OLA1: variants seen among roughly 807,000 people sequenced by gnomAD.
OLA1 encodes the protein Obg like ATPase 1, also known as obg-like ATPase 1.
Under a neutral mutation model 48.4 loss-of-function variants are expected in OLA1, and 14 were observed. The ratio of observed to expected loss-of-function variants is 0.29; its 90% CI spans 0.19 to 0.45. The LOEUF is 0.45. OLA1 is among the 20% of genes least tolerant of loss of function. The pLI, the probability that OLA1 is intolerant of heterozygous loss-of-function variation, is 1.00. For synonymous variants in OLA1, 127 were observed against 150.4 expected (o/e 0.84, Z 1.14); for missense variants, 325 against 467.1 (o/e 0.70, Z 2.80).
intron 4 of OLA1, among the ~76,000 whole-genome samples, chr2:174,153,669 C>T (rs891768194): frequency 4.1e-4 from 62 of 152,134 alleles, no homozygotes; most frequent in African/African-American, 1.4e-3. Flanking sequence ...AGAGTCAACA[C>T]CTGTACTTAA....
At chr2:174,216,451 T>C (rs1688361651) in intron 4 of OLA1, among the ~76,000 whole-genome samples, 1 of 152,212 alleles carries the variant, frequency 6.6e-6, no homozygotes, top group African/African-American at 2.4e-5. Context: ...GACTATAGAC[T>C]GAGGTCTGCA....
rs1295777151 is a variant in OLA1 at position 174,229,315 on chromosome 2, G to A, written c.238C>T (p.Pro80Ser). 3.1e-6 allele frequency: 5 copies of A among 1,611,772 alleles called. No homozygotes were observed. Among genetic ancestry groups the A allele is most frequent in the African/African-American group, 2.7e-5 (2 of 74,844 alleles). ...RFDFLCQYHK[P>S]ASKIPAFLNV... Reference sequence around the variant, plus strand: ...GCATAAAATATCTCTTACCTTGCTGGTTTGTGGTATTGACAAAGAAAGTCA... The same window carrying A: ...GCATAAAATATCTCTTACCTTGCTGATTTGTGGTATTGACAAAGAAAGTCA... The change falls in exon 3 of 11, where the codon CCA (proline) becomes TCA (serine). Residue 80 changes from proline to serine, a missense_variant. Transcript: ENST00000284719.
At chr2:174,178,247 T>C (rs1024908199) in intron 4 of OLA1, among the ~76,000 whole-genome samples, 1 of 152,158 alleles carries the variant, frequency 6.6e-6, no homozygotes, top group Non-Finnish European at 1.5e-5. Context: ...TCAGTATTTA[T>C]TATAGATGTT....
chr2:174,228,947 G>A (rs1370471529), intron 3 of OLA1, among the ~76,000 whole-genome samples: 7 of 152,116 alleles, frequency 4.6e-5, no homozygotes, highest in Admixed American at 4.6e-4. Context: ...GCGTAACTTG[G>A]CTCACTGCAA....
intron 4 of OLA1, among the ~76,000 whole-genome samples, chr2:174,218,278 C>T (rs189433515): frequency 3.0e-4 from 45 of 151,996 alleles, no homozygotes; most frequent in Admixed American, 2.0e-3. Flanking sequence ...AGTGACCCTC[C>T]GATAAATGAA....
At chr2:174,134,100 T>A (rs1406469836) in intron 5 of OLA1, among the ~76,000 whole-genome samples, 1 of 152,244 alleles carries the variant, frequency 6.6e-6, no homozygotes, top group Non-Finnish European at 1.5e-5. Flanking sequence ...CATTGTAGTA[T>A]CAGTACTTCA....
At chr2:174,246,642 CG>C in intron 2 of OLA1, 72 bp downstream of exon 2, 1 of 955,450 alleles carries the variant, frequency 1.0e-6, no homozygotes, top group East Asian at 2.4e-5. Context: ...AATTACCTCA[CG>C]GTTCCCATTT....
chr2:174,123,613 A>C lies in OLA1; in HGVS notation c.612T>G (p.His204Gln), dbSNP rs776832029. 1 of 1,594,010 alleles carries C rather than the reference A, an allele frequency of 6.3e-7. No homozygotes were observed. Among genetic ancestry groups the C allele is most frequent in the Non-Finnish European group, 8.5e-7 (1 of 1,171,254 alleles). The stretch of plus-strand genomic sequence containing the variant: ...AACTTACCTCTTTGTCATTCCAATC[A>C]TGATAGAAGCGAACAGGTTTCTTTT... ...IDQKKPVRFY[H>Q]DWNDKEIEVL... is the part of the protein sequence containing the mutation. The change falls in exon 6 of 11, where the codon CAT becomes CAG. Residue 204 changes from histidine to glutamine, a missense_variant. Coordinates refer to ENST00000284719, the MANE Select transcript of OLA1 (RefSeq NM_013341.5).
chr2:174,229,846 A>G (rs1688690329), intron 2 of OLA1, among the ~76,000 whole-genome samples: 1 of 152,220 alleles, frequency 6.6e-6, no homozygotes, highest in South Asian at 2.1e-4. Flanking sequence ...TCATGTCTCT[A>G]GTTAAGTCAA....
chr2:174,105,818 T>G (rs1265003544), intron 7 of OLA1, among the ~76,000 whole-genome samples: 1 of 152,018 alleles, frequency 6.6e-6, no homozygotes, highest in African/African-American at 2.4e-5. Flanking sequence ...TAAAAGTACG[T>G]TATAATATTC....
intron 4 of OLA1, among the ~76,000 whole-genome samples, chr2:174,170,788 C>G (rs532247657): frequency 1.3e-5 from 2 of 152,268 alleles, no homozygotes; most frequent in Non-Finnish European, 2.9e-5. Flanking sequence ...CCTGTAGTCC[C>G]ACTTACTCAA....
intron 7 of OLA1, among the ~76,000 whole-genome samples, chr2:174,086,828 T>C (rs1053478708): frequency 6.6e-6 from 1 of 152,154 alleles, no homozygotes; most frequent in Non-Finnish European, 1.5e-5. Flanking sequence ...TTTAGTATTT[T>C]CAGACTGCGG....
At chr2:174,080,820 T>C in intron 9 of OLA1, 1 of 194,936 alleles carries the variant, frequency 5.1e-6, no homozygotes, top group East Asian at 1.5e-4. Flanking sequence ...AAAAGCAACA[T>C]CAATTTCACT....
At chr2:174,092,127 C>CAA (rs10542498) in intron 7 of OLA1, among the ~76,000 whole-genome samples, 26 of 84,728 alleles carry the variant, frequency 3.1e-4, no homozygotes, top group Admixed American at 4.9e-4. Context: ...AACTCCATCT[C>CAA]AAAAAAAAAA....
intron 5 of OLA1, among the ~76,000 whole-genome samples, chr2:174,138,564 G>A (rs1479084222): frequency 6.6e-6 from 1 of 152,138 alleles, no homozygotes; most frequent in African/African-American, 2.4e-5. Flanking sequence ...CACAAAGGGA[G>A]CACATGCTGT....
chr2:174,120,468 T>C (rs919218100), intron 7 of OLA1, among the ~76,000 whole-genome samples: 4 of 152,146 alleles, frequency 2.6e-5, no homozygotes, highest in African/African-American at 9.7e-5. Flanking sequence ...TAAAAAATGG[T>C]TTGTGGATTC....
intron 4 of OLA1, among the ~76,000 whole-genome samples, chr2:174,170,471 C>A (rs1687271510): frequency 6.6e-6 from 1 of 151,972 alleles, no homozygotes; most frequent in South Asian, 2.1e-4. Flanking sequence ...AAATAAAACA[C>A]AAATAAAAAG....
intron 4 of OLA1, among the ~76,000 whole-genome samples, chr2:174,196,422 C>T (rs935810250): frequency 1.3e-5 from 2 of 152,130 alleles, no homozygotes; most frequent in Non-Finnish European, 2.9e-5. Context: ...AATATTACAA[C>T]ACCTTCTTAT....
At chr2:174,246,643 G>T in intron 2 of OLA1, 72 bp downstream of exon 2, 2 of 962,526 alleles carry the variant, frequency 2.1e-6, no homozygotes, top group South Asian at 1.4e-5. Context: ...ATTACCTCAC[G>T]GTTCCCATTT....
Sources: gnomAD v4.1 joint callset for allele counts (sites outside exome capture counted in the v4.1 genomes callset) on GRCh38, gnomAD v4.1.1 for gene constraint, MANE v1.5 for transcripts, NCBI Gene and HGNC (gene_info 2026-07-23, HGNC 2026-07-21) for gene names.